ZNF326: variants seen among roughly 807,000 people sequenced by gnomAD.
ZNF326 encodes zinc finger protein 326, also known as DBIRD complex subunit ZNF326.
ZNF326 carries 30 observed loss-of-function variants against 63.1 expected under a neutral mutation model. The ratio of observed to expected loss-of-function variants is 0.48; its 90% CI spans 0.36 to 0.64. The LOEUF (loss-of-function observed/expected upper bound fraction) is 0.64, where lower values mean the gene tolerates loss of function less well. Among genes scored for constraint, ZNF326 ranks in the 30% least tolerant of loss-of-function variants. ZNF326 has a pLI of 0.00. For synonymous variants in ZNF326, 194 were observed against 228.2 expected (o/e 0.85, Z 1.35); for missense variants, 609 against 720.3 (o/e 0.85, Z 1.77).
At position 90,027,871 on chromosome 1, in the gene ZNF326, A is replaced by T. The variant is rs942116744; in HGVS notation, c.*170A>T. 1 of 634,070 alleles carries T rather than the reference A, an allele frequency of 1.6e-6. No homozygotes were observed. The highest frequency in any genetic ancestry group is 2.6e-6 in the Non-Finnish European group (1 of 378,396). 39.3% of individuals were successfully genotyped at this position (634,070 alleles called of 1,614,324 possible). On this transcript the variant is annotated 3_prime_UTR_variant, in exon 12 of 12. Coordinates refer to ENST00000340281, the MANE Select transcript of ZNF326 (RefSeq NM_182976.4). ...GTTTAACATTTGTTTAATAAAATGAAGGCAAAACTATTTTAGTTTAGTTTT... is the reference window on the plus strand; with the variant it reads ...GTTTAACATTTGTTTAATAAAATGATGGCAAAACTATTTTAGTTTAGTTTT...
At chr1:90,006,335 A>G (rs1368129955) in intron 4 of ZNF326, 1 of 977,746 alleles carries the variant, frequency 1.0e-6, no homozygotes, top group Non-Finnish European at 1.2e-6. Flanking sequence ...TATGTCAGTT[A>G]TTGCCCTTTT....
chr1:90,011,385 T>G (rs1024221418), intron 6 of ZNF326, among the ~76,000 whole-genome samples: 1 of 152,170 alleles, frequency 6.6e-6, no homozygotes, highest in Non-Finnish European at 1.5e-5. Flanking sequence ...GTACAACATG[T>G]CATAGTTTTA....
At position 90,032,035 on chromosome 1, in the gene ZNF326, A is replaced by G. The variant is rs905945318; in HGVS notation, c.*4334A>G. 6.6e-6 allele frequency: 1 copy of G among 152,190 alleles called. No homozygotes were observed. Among genetic ancestry groups the G allele is most frequent in the Non-Finnish European group, 1.5e-5 (1 of 68,046 alleles). The allele number at this position is 152,190 out of a possible 1,614,324, so 9.4% of individuals were successfully genotyped here. ...TGCTGTATCTCTATTTGGTATTCAA[A>G]CAAATCCAGGGAATCTGCAAGGCTG... On this transcript the variant is annotated 3_prime_UTR_variant, in exon 12 of 12. Transcript: ENST00000340281.
At chr1:90,001,562 T>TG (rs1350439746) in intron 2 of ZNF326, among the ~76,000 whole-genome samples, 1 of 151,312 alleles carries the variant, frequency 6.6e-6, no homozygotes, top group Admixed American at 6.6e-5. Flanking sequence ...TTAATTTTTT[T>TG]TTTTTTTTGA....
intron 2 of ZNF326, among the ~76,000 whole-genome samples, chr1:90,001,758 A>G (rs1253540324): frequency 6.6e-6 from 1 of 151,984 alleles, no homozygotes; most frequent in Non-Finnish European, 1.5e-5. Context: ...GAGTTTTACC[A>G]TGTTGGTCAG....
chr1:90,016,765 A>G (rs918573642), intron 7 of ZNF326, among the ~76,000 whole-genome samples: 2 of 152,098 alleles, frequency 1.3e-5, no homozygotes, highest in African/African-American at 4.8e-5. Flanking sequence ...ATTAGGTGGG[A>G]CTGTTCATTA....
At chr1:90,016,200 A>T (rs1461352565) in intron 7 of ZNF326, among the ~76,000 whole-genome samples, 1 of 152,056 alleles carries the variant, frequency 6.6e-6, no homozygotes, top group Non-Finnish European at 1.5e-5. Context: ...TCTCATCTCA[A>T]TGTAAGAAAA....
rs773591916 is a variant in ZNF326, at chr1:90,007,542, A to G, written c.407A>G (p.Tyr136Cys). The change falls in exon 5 of 12, where the codon TAC becomes TGC. Residue 136 changes from tyrosine (Y) to cysteine (C), a missense_variant. Tyr to Cys is a radical substitution (Grantham distance 194). Coordinates refer to ENST00000340281, the MANE Select transcript of ZNF326 (RefSeq NM_182976.4). This position sits in a 1 kb window ranked among gnomAD's most constrained non-coding sequence, Gnocchi z 4.9. ...NQGGSSWEAP[Y>C]SRSKLRPGFM... The stretch of plus-strand genomic sequence containing the variant: ...GGCGGGTCTAGCTGGGAAGCACCTT[A>G]CTCCCGTTCAAAATTGAGGCCTGGG... 2.5e-6 allele frequency: 4 copies of G among 1,613,612 alleles called. No individual in the cohort carries two copies. The highest frequency in any genetic ancestry group is 3.4e-6 in the Non-Finnish European group (4 of 1,179,896).
In ZNF326 at chr1:90,007,209, CA is replaced by C; in HGVS notation, c.210-132del. ...CTGCCCAGCCCTAATCAAATGTGAA[CA>C]AAAGTAGAACTGTGCAAACCAGTAT... On this transcript the variant is annotated intron_variant, in intron 4 of 11. Transcript: ENST00000340281. This position sits in a 1 kb window ranked among gnomAD's most constrained non-coding sequence, Gnocchi z 4.9. The C allele has an allele frequency of 1.2e-6, 1 of 849,352 alleles. No individual in the cohort carries two copies. The highest frequency in any genetic ancestry group is 1.7e-6 in the Non-Finnish European group (1 of 573,890). The allele number at this position is 849,352 out of a possible 1,614,324, so 52.6% of individuals were successfully genotyped here. A position where few individuals can be genotyped will look rare whatever the true frequency, so the allele number is the denominator to read the frequency against.
intron 8 of ZNF326, among the ~76,000 whole-genome samples, chr1:90,017,780 G>A (rs1470685925): frequency 1.3e-5 from 2 of 152,140 alleles, no homozygotes; most frequent in Non-Finnish European, 2.9e-5. Flanking sequence ...TTTCAGTTGA[G>A]CCCTGTAACA....
In ZNF326 at chr1:90,029,259, A is replaced by G. The variant is rs916496445; in HGVS notation, c.*1558A>G. On this transcript the variant is annotated 3_prime_UTR_variant, in exon 12 of 12. Coordinates refer to ENST00000340281, the MANE Select transcript of ZNF326 (RefSeq NM_182976.4). Reference sequence around the variant, plus strand: ...TCTTTTTGTGTAAAATAAGGCTTTTAAAACTAGACTTTCTGAACCAATACA... The same window carrying G: ...TCTTTTTGTGTAAAATAAGGCTTTTGAAACTAGACTTTCTGAACCAATACA... The G allele has an allele frequency of 6.6e-6, 1 of 150,950 alleles. No homozygotes were observed. The highest frequency in any genetic ancestry group is 6.7e-5 in the Admixed American group (1 of 15,000). 9.4% of individuals were successfully genotyped at this position (150,950 alleles called of 1,614,324 possible). A position where few individuals can be genotyped will look rare whatever the true frequency, so the allele number is the denominator to read the frequency against.
At chr1:90,005,526 ACTT>A (rs1443550752) in intron 4 of ZNF326, 7 of 1,018,480 alleles carry the variant, frequency 6.9e-6, no homozygotes, top group Non-Finnish European at 8.3e-6. Context: ...TTTACTTTTA[ACTT>A]CTTGTCAATC....
rs1649164235 is a variant in ZNF326, at chr1:90,010,114, T to C, written c.642T>C (p.His214=). The C allele has an allele frequency of 6.2e-7, 1 of 1,613,740 alleles. No individual in the cohort carries two copies. Residue 214 remains histidine, a synonymous_variant, in exon 6 of 12, where the codon CAT becomes CAC. Coordinates refer to ENST00000340281, the MANE Select transcript of ZNF326 (RefSeq NM_182976.4). The part of the protein sequence containing the change: ...RGHMGDFGSI[H]RPGIVVDYQN... ...ATATGGGTGATTTTGGAAGCATTCA[T>C]AGACCCGGAATTGTTGTTGACTATC...
intron 6 of ZNF326, among the ~76,000 whole-genome samples, chr1:90,010,833 G>T (rs991914991): frequency 6.6e-6 from 1 of 151,946 alleles, no homozygotes; most frequent in Non-Finnish European, 1.5e-5. Flanking sequence ...ATTTGAAAAA[G>T]GTTTAAAAGG....
chr1:89,995,418 G>A (rs755701367), intron 1 of ZNF326, 145 bp downstream of exon 1: 2 of 1,161,130 alleles, frequency 1.7e-6, no homozygotes, highest in Non-Finnish European at 2.3e-6. Context: ...CCAGCGCCCG[G>A]AGTCGGCCTC....
rs1418758438 is a variant in ZNF326, at chr1:90,017,351, A to G, written c.961A>G (p.Thr321Ala). Reference sequence around the variant, plus strand: ...TACATGTTCATTTTGTAAATTTCGAACATTTGAAGAAAAAGATATTGAACT... The same window carrying G: ...TACATGTTCATTTTGTAAATTTCGAGCATTTGAAGAAAAAGATATTGAACT... ...AFTCSFCKFR[T>A]FEEKDIELHL... The change falls in exon 8 of 12, where the codon ACA (threonine) becomes GCA (alanine). Residue 321 changes from threonine (T) to alanine (A), a missense_variant. Transcript: ENST00000340281. 2.5e-6 allele frequency: 4 copies of G among 1,603,550 alleles called. No homozygotes were observed. Among genetic ancestry groups the G allele is most frequent in the Non-Finnish European group, 3.4e-6 (4 of 1,176,932 alleles).
At position 90,019,825 on chromosome 1, in the gene ZNF326, C is replaced by T. The variant is rs149016576; in HGVS notation, c.1175-967C>T. Among the ~76,000 whole-genome samples the T allele has an allele frequency of 5.3e-3, 801 of 152,194 alleles. 4 individuals carry two copies. The highest frequency in any genetic ancestry group is 8.9e-3 in the Non-Finnish European group (607 of 67,954). ...AACATATCCAAAAAAGTTATCGTCT[C>T]CTTGAGCATATCCTACCTTACAAAG... On this transcript the variant is annotated intron_variant, in intron 9 of 11. Coordinates refer to ENST00000340281, the MANE Select transcript of ZNF326 (RefSeq NM_182976.4).
chr1:90,019,042 TTC>T (rs1203947101), intron 9 of ZNF326, among the ~76,000 whole-genome samples: 1 of 152,146 alleles, frequency 6.6e-6, no homozygotes, highest in Admixed American at 6.5e-5. Context: ...CTTCTCTCTG[TTC>T]TCTGTTTCTG....
intron 9 of ZNF326, among the ~76,000 whole-genome samples, chr1:90,019,412 T>C (rs989385359): frequency 2.0e-5 from 3 of 152,170 alleles, no homozygotes; most frequent in Non-Finnish European, 4.4e-5. Context: ...GTGACAGAAG[T>C]TACCAACACC....
Sources: gnomAD v4.1 joint callset for allele counts (sites outside exome capture counted in the v4.1 genomes callset) on GRCh38, gnomAD v4.1.1 for gene constraint, Gnocchi (gnomAD v3.1) non-coding constraint, MANE v1.5 for transcripts, NCBI Gene and HGNC (gene_info 2026-07-23, HGNC 2026-07-21) for gene names.